Variants in WWP2 observed in about 807,000 individuals in gnomAD.
WWP2 encodes WW domain containing E3 ubiquitin protein ligase 2.
Under a neutral mutation model 121.0 loss-of-function variants are expected in WWP2, and 57 were observed. That is an observed-to-expected ratio of 0.47 (90% CI 0.38 to 0.59). The LOEUF (loss-of-function observed/expected upper bound fraction) is 0.59, where lower values mean the gene tolerates loss of function less well. Among genes scored for constraint, WWP2 ranks in the 20% least tolerant of loss-of-function variants. The pLI is 0.00. For missense variants in WWP2, 962 were observed against 1,158.9 expected (o/e 0.83, Z 2.47); for synonymous variants, 449 against 441.3 (o/e 1.02, Z -0.22).
At chr16:69,872,083 T>G (rs2057650584) in intron 7 of WWP2, 152 bp downstream of exon 7, 1 of 1,211,802 alleles carries the variant, frequency 8.3e-7, no homozygotes, top group Non-Finnish European at 1.1e-6. Flanking sequence ...TCAGTCTTTC[T>G]ACTGACCCAT....
intron 8 of WWP2, among the ~76,000 whole-genome samples, chr16:69,899,187 T>C (rs1567416338): frequency 6.6e-6 from 1 of 152,222 alleles, no homozygotes; most frequent in Non-Finnish European, 1.5e-5. Flanking sequence ...GTGTTTTGTC[T>C]AAAATTCTTC....
At chr16:69,849,194 C>CG (rs1054470983) in intron 6 of WWP2, among the ~76,000 whole-genome samples, 8 of 151,848 alleles carry the variant, frequency 5.3e-5, no homozygotes, top group African/African-American at 1.9e-4. Flanking sequence ...CTGGGAGGGC[C>CG]GGGGGAGAAT....
intron 6 of WWP2, among the ~76,000 whole-genome samples, chr16:69,861,305 C>G (rs1173621645): frequency 6.6e-6 from 1 of 152,150 alleles, no homozygotes; most frequent in Non-Finnish European, 1.5e-5. Context: ...TCAGCTAAGC[C>G]CAACATACGG....
intron 8 of WWP2, among the ~76,000 whole-genome samples, chr16:69,892,980 C>T (rs943053486): frequency 2.6e-5 from 4 of 152,250 alleles, no homozygotes; most frequent in Admixed American, 6.5e-5. Flanking sequence ...ACCTACCCTT[C>T]AAGCCTTCGG....
chr16:69,918,825 T>G (rs1285009019), intron 10 of WWP2, among the ~76,000 whole-genome samples: 2 of 151,950 alleles, frequency 1.3e-5, no homozygotes, highest in African/African-American at 4.8e-5. Flanking sequence ...AACATTTAAA[T>G]TTTCTTTTTC....
chr16:69,865,761 T>C (rs1219524641), intron 6 of WWP2, among the ~76,000 whole-genome samples: 1 of 152,232 alleles, frequency 6.6e-6, no homozygotes, highest in African/African-American at 2.4e-5. Context: ...TATTTAAATG[T>C]ATTACTGTTA....
chr16:69,877,421 G>C (rs753513030), intron 7 of WWP2, among the ~76,000 whole-genome samples: 1 of 152,180 alleles, frequency 6.6e-6, no homozygotes, highest in Non-Finnish European at 1.5e-5. Context: ...AGAGAATGTC[G>C]AGGCTGGTTT....
At chr16:69,841,029 G>A (rs1488105213) in intron 5 of WWP2, among the ~76,000 whole-genome samples, 1 of 152,114 alleles carries the variant, frequency 6.6e-6, no homozygotes, top group Non-Finnish European at 1.5e-5. Context: ...CGGTGTTTGG[G>A]GTGCTTTGGT....
chr16:69,930,098 AGC>A (rs2058691158), intron 12 of WWP2, 30 bp from the exon 13 acceptor site: 3 of 1,613,530 alleles, frequency 1.9e-6, no homozygotes, highest in Non-Finnish European at 2.5e-6. Flanking sequence ...AGGTGGGGCC[AGC>A]CCTTCACCCT....
intron 2 of WWP2, 92 bp downstream of exon 2, chr16:69,787,172 G>T: frequency 1.0e-6 from 1 of 996,120 alleles, no homozygotes; most frequent in Non-Finnish European, 1.5e-6. Context: ...CAAATTTTGT[G>T]AAATAGTTTA....
intron 4 of WWP2, among the ~76,000 whole-genome samples, chr16:69,830,989 G>C (rs1006578819): frequency 9.2e-5 from 14 of 152,098 alleles, no homozygotes; most frequent in Non-Finnish European, 1.9e-4. Context: ...GAATGAACAC[G>C]GGCCTGTTAA....
At chr16:69,826,957 G>A (rs12920411) in intron 4 of WWP2, among the ~76,000 whole-genome samples, 8 of 78,580 alleles carry the variant, frequency 1.0e-4, no homozygotes, top group Non-Finnish European at 1.6e-4. Flanking sequence ...AAAAAAAAGG[G>A]GGGGGGGCGG....
intron 7 of WWP2, among the ~76,000 whole-genome samples, chr16:69,887,749 T>C (rs185976817): frequency 6.6e-6 from 1 of 152,314 alleles, no homozygotes; most frequent in African/African-American, 2.4e-5. Context: ...TACTCTTTTG[T>C]TGCAATAAAT....
At position 69,925,184 on chromosome 16, in the gene WWP2, T is replaced by A. The variant is rs2058621700; in HGVS notation, c.1180-246T>A. The A allele has an allele frequency of 8.3e-6, 11 of 1,327,764 alleles. No individual in the cohort carries two copies. In the East Asian group the frequency reaches 3.3e-4, roughly 40 times the overall value. The allele number at this position is 1,327,764 out of a possible 1,614,324, so 82.2% of individuals were successfully genotyped here. A position where few individuals can be genotyped will look rare whatever the true frequency, so the allele number is the denominator to read the frequency against. ...GCGTACCGCCTCCTCCCCGTCGCTC[T>A]GCCTTTTCCAAAACTCACTTGGGCC... On this transcript the variant is annotated intron_variant, in intron 10 of 23. Transcript: ENST00000359154. The surrounding 1 kb of genome is among the most constrained non-coding windows in gnomAD (Gnocchi z 4.0).
intron 8 of WWP2, among the ~76,000 whole-genome samples, chr16:69,901,281 G>A (rs1483454204): frequency 1.3e-5 from 2 of 152,182 alleles, no homozygotes; most frequent in African/African-American, 4.8e-5. Flanking sequence ...TTTGCCTGTG[G>A]GGCATTGAAC....
At position 69,937,326 on chromosome 16, in the gene WWP2, T is replaced by C. The variant is rs776897893; in HGVS notation, c.2238+88T>C. The stretch of plus-strand genomic sequence containing the variant: ...ACGCTCACTGTGTACCCACAGACAC[T>C]CAGCGTAAAACTCCCACTTCGGCAG... On this transcript the variant is annotated intron_variant, in intron 20 of 23. Transcript: ENST00000359154. The surrounding 1 kb of genome is among the most constrained non-coding windows in gnomAD (Gnocchi z 6.6). 599 of 1,560,598 alleles carry C rather than the reference T, an allele frequency of 3.8e-4. 1 individual carries two copies. The Middle Eastern group carries it at 5.8e-3, about 15-fold the overall frequency.
intron 16 of WWP2, among the ~76,000 whole-genome samples, chr16:69,932,700 A>T (rs1438967840): frequency 6.6e-6 from 1 of 152,222 alleles, no homozygotes; most frequent in Non-Finnish European, 1.5e-5. Context: ...AGCAGGGCTC[A>T]ACTGCATGTC....
chr16:69,931,126 C>G, intron 13 of WWP2, 26 bp from the exon 14 acceptor site: 1 of 1,610,784 alleles, frequency 6.2e-7, no homozygotes. Context: ...ATCGCATGAA[C>G]CCCTGAACAT....
rs1462029358 is a variant in WWP2 at position 69,934,144 on chromosome 16, G to A, written c.1842+15G>A. On this transcript the variant is annotated intron_variant, in intron 17 of 23. Transcript: ENST00000359154. ...TCATCGCCATGGTAAGGGGGCCCCA[G>A]GGGTCTGCCTAGTTCCCTCCTCCTC... The A allele has an allele frequency of 6.2e-7, 1 of 1,613,878 alleles. No individual in the cohort carries two copies. The highest frequency in any genetic ancestry group is 1.3e-5 in the African/African-American group (1 of 74,928).
Sources: gnomAD v4.1 joint callset for allele counts (sites outside exome capture counted in the v4.1 genomes callset) on GRCh38, gnomAD v4.1.1 for gene constraint, Gnocchi (gnomAD v3.1) non-coding constraint, MANE v1.5 for transcripts, NCBI Gene and HGNC (gene_info 2026-07-23, HGNC 2026-07-21) for gene names.